The following SLC12A9 variants were observed in gnomAD, a reference collection of about 807,000 sequenced individuals.
The protein encoded by SLC12A9 is CCC-interacting protein 1.
Under a neutral mutation model 66.0 loss-of-function variants are expected in SLC12A9, and 55 were observed. The ratio of observed to expected loss-of-function variants is 0.83; its 90% CI spans 0.67 to 1.04. The LOEUF (loss-of-function observed/expected upper bound fraction) is 1.04, where lower values mean the gene tolerates loss of function less well. Ranked by LOEUF, SLC12A9 falls within the 50% of genes least tolerant of loss-of-function variation. The pLI is 0.00. For missense variants in SLC12A9, 1,061 were observed against 1,241.9 expected (o/e 0.85, Z 2.19); for synonymous variants, 577 against 569.0 (o/e 1.01, Z -0.20).
In SLC12A9 at chr7:100,861,910, CG is replaced by C; in HGVS notation, c.1711+1del. 6.3e-7 allele frequency: 1 copy of C among 1,591,090 alleles called. No homozygotes were observed. Among genetic ancestry groups the C allele is most frequent in the Non-Finnish European group, 8.6e-7 (1 of 1,166,880 alleles). On this transcript the variant is annotated frameshift_variant and splice_region_variant, in exon 12 of 14. Transcript: ENST00000354161. LOFTEE classifies it high-confidence loss of function. This position sits in a 1 kb window ranked among gnomAD's most constrained non-coding sequence, Gnocchi z 5.3. The part of the protein sequence containing the change: ...VLGHVTLGDL[D>X]SLPSDPVQPQ... ...TGGGCCACGTCACCCTGGGAGACCT[CG>C]GTGAGCTGCCCTCCCACTCACTCAC...
In SLC12A9 at chr7:100,866,128, C is replaced by T. The variant is rs777210577; in HGVS notation, c.2268C>T (p.Gly756=). ...LFLLQMATIL[G]MVPAWHSARL... is the part of the protein sequence containing the mutation. ...TGCTGCAGATGGCAACCATCTTGGGCATGGTGCCCGCTTGGCATAGCGCCC... is the reference window on the plus strand; with the variant it reads ...TGCTGCAGATGGCAACCATCTTGGGTATGGTGCCCGCTTGGCATAGCGCCC... Residue 756 remains glycine (G), a synonymous_variant, in exon 14 of 14, where the codon GGC becomes GGT. Transcript: ENST00000354161. The surrounding 1 kb of genome is among the most constrained non-coding windows in gnomAD (Gnocchi z 7.3). The T allele has an allele frequency of 6.2e-7, 1 of 1,612,950 alleles. No individual in the cohort carries two copies. The highest frequency in any genetic ancestry group is 8.5e-7 in the Non-Finnish European group (1 of 1,179,844).
At chr7:100,860,121 T>C (rs1814653373) in intron 8 of SLC12A9, 29 bp from the exon 9 acceptor site, 3 of 1,614,192 alleles carry the variant, frequency 1.9e-6, no homozygotes, top group Non-Finnish European at 2.5e-6. Context: ...CCCTGGCTGA[T>C]GTGTCTGCTG....
At chr7:100,840,883 AAAGCCG>A (rs1269657431) in intron 1 of SLC12A9, among the ~76,000 whole-genome samples, 3 of 138,976 alleles carry the variant, frequency 2.2e-5, no homozygotes, top group African/African-American at 1.0e-4. Context: ...CAGTGTAAAC[AAAGCCG>A]TATCCGAAAG....
chr7:100,861,636 C>T lies in SLC12A9; in HGVS notation c.1536+52C>T, dbSNP rs771957446. The T allele has an allele frequency of 2.5e-6, 4 of 1,606,676 alleles. No individual in the cohort carries two copies. In the African/African-American group the frequency reaches 4.1e-5, roughly 16 times the overall value. ...GAAATGGGAGGTGGTCAAAGAACCC[C>T]CTCTCTCTTTGGCTGGAGTTGGTGC... On this transcript the variant is annotated intron_variant, in intron 11 of 13. Coordinates refer to ENST00000354161, the MANE Select transcript of SLC12A9 (RefSeq NM_020246.4). This position sits in a 1 kb window ranked among gnomAD's most constrained non-coding sequence, Gnocchi z 5.3.
Position 100,866,631 on chromosome 7 carries a change from A to C in SLC12A9, c.*26A>C. ...TGCCCCTGCCTCCAGGGCTAGGTAG[A>C]GAGGGCCCAGGCAGGCGGCCTATCC... On this transcript the variant is annotated 3_prime_UTR_variant, in exon 14 of 14. Transcript: ENST00000354161. The surrounding 1 kb of genome is among the most constrained non-coding windows in gnomAD (Gnocchi z 7.3). 6.7e-7 allele frequency: 1 copy of C among 1,501,524 alleles called. No homozygotes were observed. The highest frequency in any genetic ancestry group is 8.9e-7 in the Non-Finnish European group (1 of 1,121,094). The allele number at this position is 1,501,524 out of a possible 1,614,324, so 93.0% of individuals were successfully genotyped here. A position where few individuals can be genotyped will look rare whatever the true frequency, so the allele number is the denominator to read the frequency against.
chr7:100,830,524 G>A (rs75396074), intron 1 of SLC12A9, among the ~76,000 whole-genome samples: 43 of 151,528 alleles, frequency 2.8e-4, no homozygotes, highest in African/African-American at 1.0e-3. Flanking sequence ...AAGAAAGAAA[G>A]AAAGAGAGAA....
intron 1 of SLC12A9, among the ~76,000 whole-genome samples, chr7:100,842,625 C>T (rs1195733782): frequency 6.6e-6 from 1 of 152,042 alleles, no homozygotes; most frequent in Non-Finnish European, 1.5e-5. Flanking sequence ...ATTAATTTTA[C>T]TAGAGGATCA....
intron 4 of SLC12A9, 198 bp from the exon 5 acceptor site, chr7:100,856,670 A>G: frequency 1.7e-6 from 1 of 572,948 alleles, no homozygotes. Context: ...GCCTCCCCAC[A>G]CCTGGCTAAT....
intron 1 of SLC12A9, among the ~76,000 whole-genome samples, chr7:100,841,426 A>G (rs1813789187): frequency 6.6e-6 from 1 of 152,142 alleles, no homozygotes; most frequent in South Asian, 2.1e-4. Context: ...AGTTAAAACA[A>G]ATTATTGTTT....
In SLC12A9 at chr7:100,856,960, G is replaced by A. The variant is rs1178591563; in HGVS notation, c.541G>A (p.Val181Ile). Residue 181 changes from valine (V) to isoleucine (I), a missense_variant, in exon 5 of 14, where the codon GTC becomes ATC. Physicochemically the swap from Val to Ile is conservative, Grantham distance 29 (BLOSUM62 3). Transcript: ENST00000354161. ...CCTGCTGCTGGGCCTTGTGGGTGGG[G>A]TCTGCACCCTGGGAGCCGGCCTCTA... Reference protein sequence around the residue: ...GSLLLGLVGGVCTLGAGLYAR... With the variant: ...GSLLLGLVGGICTLGAGLYAR... 2 of 1,613,700 alleles carry A rather than the reference G, an allele frequency of 1.2e-6. No individual in the cohort carries two copies. Among genetic ancestry groups the A allele is most frequent in the Middle Eastern group, 1.6e-4 (1 of 6,062 alleles).
At chr7:100,858,664 T>TGGCAATGTGTCTGGCTGACCC in intron 5 of SLC12A9, 171 bp from the exon 6 acceptor site, 1 of 605,328 alleles carries the variant, frequency 1.7e-6, no homozygotes, top group Non-Finnish European at 3.0e-6. Context: ...TGGGGGGACG[T>TGGCAATGTGTCTGGCTGACCC]GGCAATGTGT....
chr7:100,860,847 C>T, intron 9 of SLC12A9: 1 of 495,178 alleles, frequency 2.0e-6, no homozygotes, highest in Non-Finnish European at 3.8e-6. Context: ...TGGGGGTACA[C>T]TGGCACTTTC....
At chr7:100,835,434 G>A (rs1813633715) in intron 1 of SLC12A9, among the ~76,000 whole-genome samples, 1 of 151,328 alleles carries the variant, frequency 6.6e-6, no homozygotes, top group East Asian at 1.9e-4. Context: ...GGCAGATCCC[G>A]AGGTCAAGAG....
At chr7:100,827,582 C>A in intron 1 of SLC12A9, 1 of 152,606 alleles carries the variant, frequency 6.6e-6, no homozygotes, top group South Asian at 1.9e-4. Context: ...GGCAGCTCTC[C>A]CAACGCGGGG....
chr7:100,833,919 C>T (rs1307310044), intron 1 of SLC12A9, among the ~76,000 whole-genome samples: 4 of 116,734 alleles, frequency 3.4e-5, no homozygotes, highest in Admixed American at 1.0e-4. Flanking sequence ...AGGTACAGAG[C>T]GAGACTCTGT....
chr7:100,854,743 G>T lies in SLC12A9; in HGVS notation c.305G>T (p.Gly102Val), dbSNP rs1224639102. Residue 102 changes from glycine to valine, a missense_variant, in exon 3 of 14, where the codon GGC becomes GTC. Coordinates refer to ENST00000354161, the MANE Select transcript of SLC12A9 (RefSeq NM_020246.4). ...GCCACCAATGGAGCCGTGCAGGGGG[G>T]CGGAGCCTACTGTATCCTCCAACAT... ...AIATNGAVQG[G>V]GAYFMISRTL... 1 of 1,614,048 alleles carries T rather than the reference G, an allele frequency of 6.2e-7. No homozygotes were observed. Among genetic ancestry groups the T allele is most frequent in the Admixed American group, 1.7e-5 (1 of 60,016 alleles).
chr7:100,829,508 C>A (rs2247447), intron 1 of SLC12A9, among the ~76,000 whole-genome samples: 1 of 149,234 alleles, frequency 6.7e-6, no homozygotes, highest in East Asian at 2.0e-4. Context: ...GTCCTGCGCC[C>A]GGGTTGGGGG....
rs182790279 is a variant in SLC12A9, at chr7:100,861,113, G to T, written c.1219-25G>T. 4 of 1,614,080 alleles carry T rather than the reference G, an allele frequency of 2.5e-6. No homozygotes were observed. Among genetic ancestry groups the T allele is most frequent in the Non-Finnish European group, 3.4e-6 (4 of 1,179,994 alleles). ...GGGTGCACTGGCACTTTGGAACAAC[G>T]GCACGCCTCTTGGCCCTTGCCCAGC... On this transcript the variant is annotated intron_variant, in intron 9 of 13. Transcript: ENST00000354161. This position sits in a 1 kb window ranked among gnomAD's most constrained non-coding sequence, Gnocchi z 5.3.
chr7:100,861,717 T>C lies in SLC12A9; in HGVS notation c.1537-20T>C, dbSNP rs2116632259. 1 of 1,614,064 alleles carries C rather than the reference T, an allele frequency of 6.2e-7. No homozygotes were observed. Among genetic ancestry groups the C allele is most frequent in the Non-Finnish European group, 8.5e-7 (1 of 1,179,942 alleles). ...GCATTTGATCCTGCCACTTCCCCAC[T>C]GCCTCACCCCTATACCCAGGTGCGT... On this transcript the variant is annotated intron_variant, in intron 11 of 13. Transcript: ENST00000354161. The surrounding 1 kb of genome is among the most constrained non-coding windows in gnomAD (Gnocchi z 5.3).
Sources: gnomAD v4.1 joint callset for allele counts (sites outside exome capture counted in the v4.1 genomes callset) on GRCh38, gnomAD v4.1.1 for gene constraint, Gnocchi (gnomAD v3.1) non-coding constraint, MANE v1.5 for transcripts, NCBI Gene and HGNC (gene_info 2026-07-23, HGNC 2026-07-21) for gene names.